Variants in STIM2 observed in about 807,000 individuals in gnomAD.
STIM2 encodes stromal interaction molecule 2.
A neutral mutation model predicts 85.8 loss-of-function variants in STIM2; 31 were observed. That is an observed-to-expected ratio of 0.36 (90% CI 0.27 to 0.49). STIM2 has a LOEUF of 0.49. Among genes scored for constraint, STIM2 ranks in the 20% least tolerant of loss-of-function variants. The probability of loss-of-function intolerance (pLI) is 0.98; values close to 1 mark genes in which losing one functional copy is unlikely to be tolerated. For missense variants in STIM2, 841 were observed against 927.6 expected (o/e 0.91, Z 1.21); for synonymous variants, 356 against 331.1 (o/e 1.08, Z -0.82).
At chr4:26,865,167 C>A (rs1722357086) in intron 1 of STIM2, among the ~76,000 whole-genome samples, 1 of 152,136 alleles carries the variant, frequency 6.6e-6, no homozygotes, top group African/African-American at 2.4e-5. Flanking sequence ...CAGTGCTTTT[C>A]TTCACCAGTC....
chr4:26,940,393 T>G (rs538714425), intron 2 of STIM2, among the ~76,000 whole-genome samples: 1 of 152,298 alleles, frequency 6.6e-6, no homozygotes, highest in East Asian at 1.9e-4. Context: ...TTCATTCTCA[T>G]GTTTGGCCTG....
chr4:26,891,948 G>A (rs1723506427), intron 1 of STIM2, among the ~76,000 whole-genome samples: 1 of 152,188 alleles, frequency 6.6e-6, no homozygotes. Context: ...AGTGGGAGAT[G>A]ATTGAATCTT....
At chr4:26,904,948 G>T (rs759145563) in intron 1 of STIM2, among the ~76,000 whole-genome samples, 1 of 152,130 alleles carries the variant, frequency 6.6e-6, no homozygotes, top group Non-Finnish European at 1.5e-5. Context: ...ATCTGTGTCA[G>T]TGGGCAGAGA....
At chr4:26,999,425 AATAAG>A in intron 5 of STIM2, 78 bp downstream of exon 5, 1 of 819,212 alleles carries the variant, frequency 1.2e-6, no homozygotes, top group Admixed American at 3.2e-5. Context: ...GAAAGAGAAA[AATAAG>A]ATAGTAGGCC....
chr4:26,861,427 C>T (rs545952793), intron 1 of STIM2, 58 bp downstream of exon 1: 6 of 1,257,984 alleles, frequency 4.8e-6, no homozygotes, highest in African/African-American at 3.1e-5. Context: ...ACCCCCAACC[C>T]GTGCAGAGGT....
chr4:26,994,921 C>A (rs1241625519), intron 3 of STIM2, among the ~76,000 whole-genome samples: 1 of 152,052 alleles, frequency 6.6e-6, no homozygotes, highest in Non-Finnish European at 1.5e-5. Flanking sequence ...CATAAAGTGC[C>A]CCTCCCCAAA....
chr4:26,915,315 A>G (rs1724495607), intron 1 of STIM2, among the ~76,000 whole-genome samples: 1 of 152,112 alleles, frequency 6.6e-6, no homozygotes. Context: ...ACTGACTGCA[A>G]CCTTCGCCTC....
chr4:27,007,598 T>A lies in STIM2; in HGVS notation c.1047T>A (p.Asp349Glu). 1 of 1,608,252 alleles carries A rather than the reference T, an allele frequency of 6.2e-7. No individual in the cohort carries two copies. Among genetic ancestry groups the A allele is most frequent in the South Asian group, 1.1e-5 (1 of 90,030 alleles). Residue 349 changes from aspartate (D) to glutamate (E), a missense_variant, in exon 8 of 12, where the codon GAT becomes GAA. This residue lies in a region of STIM2 where 408 missense variants were observed against 525.4 expected (regional missense o/e 0.78). Transcript: ENST00000467087. ...TGAGAAGCAGTTGGTCTGTTCCAGA[T>A]GCACTTCAGAAATGGCTTCAGTTAA... is the stretch of plus-strand genomic sequence containing the variant.
intron 4 of STIM2, among the ~76,000 whole-genome samples, chr4:26,998,756 C>T (rs547126874): frequency 7.3e-4 from 110 of 151,696 alleles, no homozygotes; most frequent in South Asian, 4.2e-3. Context: ...ACTAAAAATA[C>T]AAAAAATTAC....
chr4:26,894,100 A>G (rs1367961852), intron 1 of STIM2, among the ~76,000 whole-genome samples: 1 of 152,066 alleles, frequency 6.6e-6, no homozygotes, highest in Non-Finnish European at 1.5e-5. Context: ...TCTTGGCCAG[A>G]CTGGGCTGGA....
intron 1 of STIM2, among the ~76,000 whole-genome samples, chr4:26,892,247 G>T (rs941601041): frequency 6.6e-6 from 1 of 152,182 alleles, no homozygotes; most frequent in Non-Finnish European, 1.5e-5. Context: ...CAAAGACTGC[G>T]TGGCTTAAAC....
chr4:26,871,563 G>T (rs926347912), intron 1 of STIM2, among the ~76,000 whole-genome samples: 1 of 152,132 alleles, frequency 6.6e-6, no homozygotes, highest in African/African-American at 2.4e-5. Flanking sequence ...GATTTGTTCA[G>T]TTTGACTCGG....
intron 3 of STIM2, among the ~76,000 whole-genome samples, chr4:26,972,371 G>C (rs2109105535): frequency 6.6e-6 from 1 of 152,292 alleles, no homozygotes; most frequent in East Asian, 1.9e-4. Context: ...GATACTGGCT[G>C]TGGGTTTGTC....
intron 3 of STIM2, among the ~76,000 whole-genome samples, chr4:26,969,458 A>G (rs1726850373): frequency 6.6e-6 from 1 of 152,218 alleles, no homozygotes; most frequent in Admixed American, 6.5e-5. Context: ...GAGACTTTTA[A>G]TGATAGTGCT....
chr4:26,895,006 A>G (rs539062667), intron 1 of STIM2, among the ~76,000 whole-genome samples: 1 of 152,332 alleles, frequency 6.6e-6, no homozygotes, highest in East Asian at 1.9e-4. Context: ...GAGGCCAGGA[A>G]TTTGAGACCA....
At chr4:27,001,185 G>A (rs115253985) in intron 5 of STIM2, among the ~76,000 whole-genome samples, 628 of 152,294 alleles carry the variant, frequency 4.1e-3, no homozygotes, top group African/African-American at 0.014. Context: ...TCTGCCGGAG[G>A]CCTGGGCATT....
At chr4:27,021,254 A>T in intron 11 of STIM2, 1 of 554,326 alleles carries the variant, frequency 1.8e-6, no homozygotes, top group East Asian at 3.1e-5. Context: ...TTTTTCTGGG[A>T]TTCTGCCTAT....
chr4:26,898,542 A>T (rs975976163), intron 1 of STIM2, among the ~76,000 whole-genome samples: 3 of 152,174 alleles, frequency 2.0e-5, no homozygotes, highest in African/African-American at 7.2e-5. Context: ...GATCCAATAT[A>T]TTGGTGTTGC....
intron 1 of STIM2, among the ~76,000 whole-genome samples, chr4:26,863,839 C>T (rs1016119605): frequency 2.6e-5 from 4 of 152,096 alleles, no homozygotes; most frequent in Non-Finnish European, 4.4e-5. Flanking sequence ...TGAGTATTCT[C>T]AATAGCTCTG....
Sources: gnomAD v4.1 joint callset for allele counts (sites outside exome capture counted in the v4.1 genomes callset) on GRCh38, gnomAD v4.1.1 for gene constraint, gnomAD v4.1.1 regional missense constraint, MANE v1.5 for transcripts, NCBI Gene and HGNC (gene_info 2026-07-23, HGNC 2026-07-21) for gene names.